ADAM12: variants seen among roughly 807,000 people sequenced by gnomAD.
ADAM12 encodes the protein ADAM metallopeptidase domain 12.
In ADAM12, 70 loss-of-function variants were observed where a neutral mutation model predicts 106.4. The ratio of observed to expected loss-of-function variants is 0.66; its 90% CI spans 0.54 to 0.80. ADAM12 has a LOEUF of 0.80. Among genes scored for constraint, ADAM12 ranks in the 30% least tolerant of loss-of-function variants. The pLI, the probability that ADAM12 is intolerant of heterozygous loss-of-function variation, is 0.00. For synonymous variants in ADAM12, 420 were observed against 433.5 expected, an observed-to-expected ratio of 0.97 and a Z score of 0.39; for missense variants, 1,010 against 1,171.9, an observed-to-expected ratio of 0.86 and a Z score of 2.02.
intron 1 of ADAM12, among the ~76,000 whole-genome samples, chr10:126,376,432 T>C (rs1464364132): frequency 6.6e-6 from 1 of 152,200 alleles, no homozygotes; most frequent in Non-Finnish European, 1.5e-5. Context: ...GAAACACAGG[T>C]ATTGATTGCA....
chr10:126,119,326 G>T (rs1465046034), intron 5 of ADAM12, among the ~76,000 whole-genome samples: 1 of 152,176 alleles, frequency 6.6e-6, no homozygotes, highest in Non-Finnish European at 1.5e-5. Flanking sequence ...GTAAAATGGG[G>T]ATAATGGTAC....
At chr10:126,134,958 G>T (rs776622313) in intron 5 of ADAM12, among the ~76,000 whole-genome samples, 12 of 152,224 alleles carry the variant, frequency 7.9e-5, no homozygotes, top group Non-Finnish European at 1.6e-4. Flanking sequence ...CAAACAAAAT[G>T]ATTTTCCTGG....
In ADAM12 at chr10:126,359,775, G is replaced by A. The variant is rs767231641; in HGVS notation, c.88+28283C>T. 1.2e-4 allele frequency among the ~76,000 whole-genome samples: 18 copies of A among 152,246 alleles called. 1 individual carries two copies. The highest frequency in any genetic ancestry group is 6.2e-4 in the South Asian group (3 of 4,824). On this transcript the variant is annotated intron_variant, in intron 1 of 22. Transcript: ENST00000448723. Reference sequence around the variant, plus strand: ...CATTCTGGGGTCTGGAGGATGGGGCGGCCCTCTTCTCACAGCTCTACTAGG... The same window carrying A: ...CATTCTGGGGTCTGGAGGATGGGGCAGCCCTCTTCTCACAGCTCTACTAGG...
chr10:126,258,624 T>G (rs11244913), intron 3 of ADAM12, among the ~76,000 whole-genome samples: 45,778 of 151,842 alleles, frequency 0.3, 7,220 homozygotes, highest in East Asian at 0.46. Flanking sequence ...TCTCCCTTTT[T>G]TATTACTCTC....
At chr10:126,317,190 G>A (rs935920907) in intron 2 of ADAM12, among the ~76,000 whole-genome samples, 7 of 152,112 alleles carry the variant, frequency 4.6e-5, no homozygotes, top group Admixed American at 2.6e-4. Flanking sequence ...CCCTTCTGAG[G>A]AGTCCTTCCT....
chr10:126,256,820 T>C (rs1454774350), intron 3 of ADAM12, among the ~76,000 whole-genome samples: 1 of 152,160 alleles, frequency 6.6e-6, no homozygotes, highest in Non-Finnish European at 1.5e-5. Context: ...CTCTTTTATA[T>C]TAACACCAAC....
intron 3 of ADAM12, among the ~76,000 whole-genome samples, chr10:126,159,541 G>A (rs2133737478): frequency 6.6e-6 from 1 of 152,258 alleles, no homozygotes; most frequent in African/African-American, 2.4e-5. Context: ...TAAGGGGAGT[G>A]ATGGGTGCAG....
chr10:126,239,132 C>T lies in ADAM12; in HGVS notation c.260+39783G>A, dbSNP rs755404712. On this transcript the variant is annotated intron_variant, in intron 3 of 22. Coordinates refer to ENST00000448723, the MANE Select transcript of ADAM12 (RefSeq NM_001288973.2). ...GCATGCAGTAAGGGAGAACCACTTC[C>T]AGCAATAATGCCAGTGTTAAAGATT... is the stretch of plus-strand genomic sequence containing the variant. Among the ~76,000 whole-genome samples the T allele has an allele frequency of 8.0e-4, 121 of 152,160 alleles. 1 individual carries two copies. Among genetic ancestry groups the T allele is most frequent in the Admixed American group, 5.2e-4 (8 of 15,272 alleles).
chr10:126,266,450 G>A (rs1164518017), intron 3 of ADAM12, among the ~76,000 whole-genome samples: 1 of 152,174 alleles, frequency 6.6e-6, no homozygotes, highest in South Asian at 2.1e-4. Flanking sequence ...TGAGACCTGA[G>A]CATGTGATTC....
At chr10:126,175,163 T>G (rs573894766) in intron 3 of ADAM12, among the ~76,000 whole-genome samples, 1 of 152,304 alleles carries the variant, frequency 6.6e-6, no homozygotes, top group South Asian at 2.1e-4. Flanking sequence ...CACAAGGACC[T>G]GCAGCCAAGC....
chr10:126,119,035 T>C (rs1956038572), intron 5 of ADAM12, among the ~76,000 whole-genome samples: 1 of 152,214 alleles, frequency 6.6e-6, no homozygotes, highest in South Asian at 2.1e-4. Flanking sequence ...GCACCATGAG[T>C]ACAAATTTAT....
In ADAM12 at chr10:126,060,551, G is replaced by C. The variant is rs114018590; in HGVS notation, c.1609+4255C>G. On this transcript the variant is annotated intron_variant, in intron 14 of 22. Coordinates refer to ENST00000448723, the MANE Select transcript of ADAM12 (RefSeq NM_001288973.2). The stretch of plus-strand genomic sequence containing the variant: ...GTGCATACGTGATCCAGATCCTGAA[G>C]CATTTGCTCCTGGGTGGGGAAATAC... 3.3e-3 allele frequency among the ~76,000 whole-genome samples: 506 copies of C among 152,306 alleles called. 4 individuals carry two copies. Among genetic ancestry groups the C allele is most frequent in the African/African-American group, 0.011 (474 of 41,550 alleles).
At chr10:126,131,729 C>G (rs1956308236) in intron 5 of ADAM12, among the ~76,000 whole-genome samples, 1 of 152,212 alleles carries the variant, frequency 6.6e-6, no homozygotes, top group Non-Finnish European at 1.5e-5. Context: ...TTGGACTTTC[C>G]AGGCTCAAGA....
At chr10:126,317,383 AT>A (rs1292587308) in intron 2 of ADAM12, among the ~76,000 whole-genome samples, 3 of 152,228 alleles carry the variant, frequency 2.0e-5, no homozygotes, top group Non-Finnish European at 2.9e-5. Flanking sequence ...TGCTTGGAAA[AT>A]TAGTAGGTTC....
In ADAM12 at chr10:126,038,332, C is replaced by T. The variant is rs774398581; in HGVS notation, c.2258G>A (p.Arg753Gln). The T allele has an allele frequency of 1.3e-5, 21 of 1,600,886 alleles. No homozygotes were observed. Among genetic ancestry groups the T allele is most frequent in the Middle Eastern group, 3.3e-4 (2 of 6,014 alleles). ...ACAGGGTTGGAAGCCACGGGGTGGC[C>T]GGGAAGGGCGCACACACCTGCAACA... ...IEKLRCVRPS[R>Q]PPRGFQPCQA... Residue 753 changes from arginine to glutamine, a missense_variant, in exon 20 of 23, where the codon CGG becomes CAG. This residue lies in a region of ADAM12 where 615 missense variants were observed against 708.5 expected (regional missense o/e 0.87). Transcript: ENST00000448723.
chr10:126,190,552 C>T (rs1213728683), intron 3 of ADAM12, among the ~76,000 whole-genome samples: 1 of 152,076 alleles, frequency 6.6e-6, no homozygotes, highest in East Asian at 1.9e-4. Context: ...GTGCTGGAGG[C>T]TGGGAATTTC....
chr10:126,101,843 C>T (rs1955673977), intron 8 of ADAM12, among the ~76,000 whole-genome samples: 1 of 152,202 alleles, frequency 6.6e-6, no homozygotes, highest in Admixed American at 6.5e-5. Flanking sequence ...TCTTCAGGAA[C>T]ATTAATGACT....
intron 3 of ADAM12, among the ~76,000 whole-genome samples, chr10:126,248,363 T>C (rs2133674524): frequency 6.6e-6 from 1 of 152,130 alleles, no homozygotes; most frequent in Admixed American, 6.5e-5. Context: ...AAACAACCAT[T>C]TTTGTCTCTC....
At chr10:126,119,258 T>C (rs1956042800) in intron 5 of ADAM12, among the ~76,000 whole-genome samples, 1 of 152,158 alleles carries the variant, frequency 6.6e-6, no homozygotes, top group Non-Finnish European at 1.5e-5. Context: ...GGGTTTGAGT[T>C]CCAGTTTTTT....
Sources: gnomAD v4.1 joint callset for allele counts (sites outside exome capture counted in the v4.1 genomes callset) on GRCh38, gnomAD v4.1.1 for gene constraint, gnomAD v4.1.1 regional missense constraint, MANE v1.5 for transcripts, NCBI Gene and HGNC (gene_info 2026-07-23, HGNC 2026-07-21) for gene names.